The following HSF2BP variants were observed in gnomAD, a reference collection of about 807,000 sequenced individuals.
HSF2BP encodes the protein heat shock factor 2-binding protein.
A neutral mutation model predicts 35.0 loss-of-function variants in HSF2BP; 35 were observed. The observed-to-expected ratio is 1.00, with a 90% CI of 0.76 to 1.32. The LOEUF (loss-of-function observed/expected upper bound fraction) is 1.32. Ranked by LOEUF, HSF2BP falls within the 40% of genes most tolerant of loss-of-function variation. The pLI, the probability that HSF2BP is intolerant of heterozygous loss-of-function variation, is 0.00. For synonymous variants in HSF2BP, 114 were observed against 117.4 expected (o/e 0.97, Z 0.18); for missense variants, 326 against 321.7 (o/e 1.01, Z -0.10).
At chr21:43,595,816 C>T (rs1159070833) in intron 7 of HSF2BP, among the ~76,000 whole-genome samples, 1 of 140,418 alleles carries the variant, frequency 7.1e-6, no homozygotes, top group Non-Finnish European at 1.5e-5. Context: ...CCTCCGCCTC[C>T]TGGGTTCAAG....
At chr21:43,615,744 T>C (rs893191960) in intron 6 of HSF2BP, among the ~76,000 whole-genome samples, 6 of 152,212 alleles carry the variant, frequency 3.9e-5, no homozygotes, top group Non-Finnish European at 1.5e-5. Context: ...ATTCTAGTTT[T>C]ACTAAGGAAA....
chr21:43,594,531 A>C (rs1247419311), intron 7 of HSF2BP, among the ~76,000 whole-genome samples: 2 of 152,208 alleles, frequency 1.3e-5, no homozygotes, highest in African/African-American at 4.8e-5. Flanking sequence ...TGCTTTAAAA[A>C]AGGGGCTATC....
At chr21:43,467,516 G>A in the HSF2BP span, among the ~76,000 whole-genome samples, 4 of 133,276 alleles carry the variant, frequency 3.0e-5, no homozygotes, top group East Asian at 4.4e-4. Flanking sequence ...GGGTTCCAGC[G>A]CTGCCCTCTT....
intron 6 of HSF2BP, among the ~76,000 whole-genome samples, chr21:43,617,660 T>C (rs1053198299): frequency 6.6e-6 from 1 of 151,948 alleles, no homozygotes; most frequent in Admixed American, 6.6e-5. Flanking sequence ...AATTACATAA[T>C]TCAAGAAATG....
At chr21:43,635,745 C>T (rs1023611114) in intron 4 of HSF2BP, among the ~76,000 whole-genome samples, 2 of 151,900 alleles carry the variant, frequency 1.3e-5, no homozygotes, top group African/African-American at 2.4e-5. Flanking sequence ...GGTAAAACCC[C>T]GTCTCTACTA....
chr21:43,575,059 G>T (rs1282287890), intron 8 of HSF2BP, among the ~76,000 whole-genome samples: 1 of 152,204 alleles, frequency 6.6e-6, no homozygotes, highest in Non-Finnish European at 1.5e-5. Flanking sequence ...TGCTCACGCA[G>T]CTCCTGCTGT....
intron 3 of HSF2BP, among the ~76,000 whole-genome samples, chr21:43,650,636 A>C (rs1456919603): frequency 1.3e-5 from 2 of 151,860 alleles, no homozygotes; most frequent in East Asian, 3.9e-4. Context: ...GTGATATCTT[A>C]CTAAGTACTT....
intron 7 of HSF2BP, among the ~76,000 whole-genome samples, chr21:43,608,128 C>CAA (rs35540106): frequency 1.8e-3 from 280 of 151,574 alleles, no homozygotes; most frequent in South Asian, 3.5e-3. Context: ...TTCTCCACAG[C>CAA]AAAAAAAACT....
Position 43,658,007 on chromosome 21 carries a change from A to AG in HSF2BP, c.36+53dup, listed in dbSNP as rs2082901830. 38 of 1,534,390 alleles carry AG rather than the reference A, an allele frequency of 2.5e-5. No individual in the cohort carries two copies. In the South Asian group the frequency reaches 4.2e-4, roughly 17 times the overall value. ...GCGCACGGGGCGAGGCCCTGAGGGG[A>AG]GCGAATGGCGACGGTTCAAACACGC... On this transcript the variant is annotated intron_variant, in intron 2 of 8. Transcript: ENST00000291560.
chr21:43,582,556 G>A (rs1227297899), intron 8 of HSF2BP, among the ~76,000 whole-genome samples: 1 of 91,456 alleles, frequency 1.1e-5, no homozygotes, highest in African/African-American at 4.7e-5. Flanking sequence ...TGCTGAGGGA[G>A]ATGAGGACCT....
At chr21:43,467,712 CA>C in the HSF2BP span, among the ~76,000 whole-genome samples, 1 of 33,218 alleles carries the variant, frequency 3.0e-5, no homozygotes, top group African/African-American at 1.3e-4. Flanking sequence ...ACACACCACA[CA>C]CCCACACACC....
At chr21:43,615,271 TCA>T (rs750281365) in intron 6 of HSF2BP, among the ~76,000 whole-genome samples, 22 of 152,316 alleles carry the variant, frequency 1.4e-4, no homozygotes, top group Admixed American at 7.2e-4. Flanking sequence ...TTCTAAAAAT[TCA>T]CAGTTAAGTG....
rs1299977900 is a variant in HSF2BP, at chr21:43,582,288, A to T, written c.796+9937T>A. ...TGCTGAGGGGGATGAAGGCCTGCTG[A>T]GGGGGATGAAGACCTGCTGTGGGAG... On this transcript the variant is annotated intron_variant, in intron 8 of 8. Transcript: ENST00000291560. Among the ~76,000 whole-genome samples the T allele has an allele frequency of 4.6e-4, 29 of 62,738 alleles. 2 individuals carry two copies. Among genetic ancestry groups the T allele is most frequent in the African/African-American group, 1.9e-3 (26 of 13,588 alleles). The allele number at this position is 62,738 out of a possible 152,430, so 41.2% of individuals were successfully genotyped here. A position where few individuals can be genotyped will look rare whatever the true frequency, so the allele number is the denominator to read the frequency against.
At chr21:43,637,693 G>GCC (rs2147050874) in intron 4 of HSF2BP, among the ~76,000 whole-genome samples, 1 of 151,428 alleles carries the variant, frequency 6.6e-6, no homozygotes, top group East Asian at 1.9e-4. Context: ...TATGCCTATA[G>GCC]ACTCAGGAGG....
At chr21:43,580,501 T>C (rs1601612776) in intron 8 of HSF2BP, among the ~76,000 whole-genome samples, 1 of 152,232 alleles carries the variant, frequency 6.6e-6, no homozygotes, top group Non-Finnish European at 1.5e-5. Flanking sequence ...TAAGCATTGA[T>C]TAATCAAAGA....
chr21:43,640,352 A>G (rs1245312921), intron 4 of HSF2BP, among the ~76,000 whole-genome samples: 1 of 152,232 alleles, frequency 6.6e-6, no homozygotes, highest in East Asian at 1.9e-4. Flanking sequence ...CATTCTTGAG[A>G]TAACAAAATT....
intron 8 of HSF2BP, among the ~76,000 whole-genome samples, chr21:43,578,050 G>A (rs900053468): frequency 3.3e-5 from 5 of 151,970 alleles, no homozygotes; most frequent in Admixed American, 6.6e-5. Context: ...TTTTGGACTC[G>A]GCCTGCCTGC....
intron 3 of HSF2BP, among the ~76,000 whole-genome samples, chr21:43,653,301 A>G (rs911885532): frequency 6.6e-6 from 1 of 151,822 alleles, no homozygotes; most frequent in Non-Finnish European, 1.5e-5. Flanking sequence ...AGAAAGAAAG[A>G]AGGGCATGCA....
chr21:43,655,982 T>C (rs911282859), intron 3 of HSF2BP, among the ~76,000 whole-genome samples: 1 of 152,198 alleles, frequency 6.6e-6, no homozygotes, highest in African/African-American at 2.4e-5. Flanking sequence ...ATGCAGTAAA[T>C]TGGCCTTTAC....
Sources: gnomAD v4.1 joint callset for allele counts (sites outside exome capture counted in the v4.1 genomes callset) on GRCh38, gnomAD v4.1.1 for gene constraint, MANE v1.5 for transcripts, NCBI Gene and HGNC (gene_info 2026-07-23, HGNC 2026-07-21) for gene names.